The following PTPRK variants were observed in gnomAD, a reference collection of about 807,000 sequenced individuals.
The protein encoded by PTPRK is receptor-type tyrosine-protein phosphatase kappa.
PTPRK carries 75 observed loss-of-function variants against 178.0 expected under a neutral mutation model. That is an observed-to-expected ratio of 0.42 (90% CI 0.35 to 0.51). PTPRK has a LOEUF of 0.51. Ranked by LOEUF, PTPRK falls within the 20% of genes least tolerant of loss-of-function variation. The pLI is 0.02. For missense variants in PTPRK, 1,441 were observed against 1,797.8 expected (o/e 0.80, Z 3.59); for synonymous variants, 637 against 620.6 (o/e 1.03, Z -0.39).
intron 3 of PTPRK, among the ~76,000 whole-genome samples, chr6:128,311,238 A>G (rs1332781378): frequency 1.3e-5 from 2 of 152,148 alleles, no homozygotes; most frequent in East Asian, 3.9e-4. Context: ...GCAACTTCAT[A>G]GGTCTAGTTC....
At chr6:128,211,075 T>C (rs1400277566) in intron 6 of PTPRK, among the ~76,000 whole-genome samples, 1 of 152,130 alleles carries the variant, frequency 6.6e-6, no homozygotes, top group East Asian at 1.9e-4. Flanking sequence ...TAAAAGTCAC[T>C]GTATTTATAT....
chr6:128,350,928 G>A (rs1344081420), intron 2 of PTPRK, among the ~76,000 whole-genome samples: 1 of 152,050 alleles, frequency 6.6e-6, no homozygotes, highest in Non-Finnish European at 1.5e-5. Context: ...CAAAAAAAAA[G>A]AGTGACAAGT....
chr6:128,063,586 A>C (rs946012850), intron 13 of PTPRK: 10 of 152,288 alleles, frequency 6.6e-5, no homozygotes, highest in African/African-American at 2.4e-4. Flanking sequence ...TAAAAATTTC[A>C]ACTCTCGTTC....
At chr6:128,092,262 T>C (rs150695346) in intron 7 of PTPRK, among the ~76,000 whole-genome samples, 4 of 152,294 alleles carry the variant, frequency 2.6e-5, no homozygotes, top group Non-Finnish European at 5.9e-5. Context: ...TTTGAATGTA[T>C]GCTTTAAAGG....
intron 3 of PTPRK, among the ~76,000 whole-genome samples, chr6:128,315,797 A>T (rs1279854173): frequency 6.6e-6 from 1 of 152,188 alleles, no homozygotes; most frequent in East Asian, 1.9e-4. Flanking sequence ...CCACAGCACA[A>T]AAGTTAAATT....
chr6:128,199,678 G>A lies in PTPRK; in HGVS notation c.869-14953C>T, dbSNP rs1045618866. 1.2e-4 allele frequency among the ~76,000 whole-genome samples: 19 copies of A among 152,150 alleles called. No individual in the cohort carries two copies. In the East Asian group the frequency reaches 2.1e-3, roughly 17 times the overall value. On this transcript the variant is annotated intron_variant, in intron 6 of 29. Transcript: ENST00000368226. ...CCAACTCCCACAAGGGCCAACCCCC[G>A]CAAGGGCCACTAAGTAGAAGTGGAA...
chr6:128,092,181 G>C (rs1465849584), intron 7 of PTPRK, among the ~76,000 whole-genome samples: 1 of 152,112 alleles, frequency 6.6e-6, no homozygotes, highest in Non-Finnish European at 1.5e-5. Context: ...ACAAAGAGTT[G>C]TGGAAAGAAA....
At chr6:128,221,626 T>C (rs1021856849) in intron 5 of PTPRK, among the ~76,000 whole-genome samples, 1 of 152,068 alleles carries the variant, frequency 6.6e-6, no homozygotes, top group Non-Finnish European at 1.5e-5. Flanking sequence ...ATATGCATAT[T>C]ATGTAGTAAA....
At chr6:128,208,278 A>G (rs1208866610) in intron 6 of PTPRK, among the ~76,000 whole-genome samples, 2 of 150,422 alleles carry the variant, frequency 1.3e-5, no homozygotes, top group Admixed American at 6.6e-5. Context: ...AAATGCTGTT[A>G]GCCAAAAGTC....
intron 3 of PTPRK, among the ~76,000 whole-genome samples, chr6:128,285,378 G>A (rs1452559084): frequency 6.6e-6 from 1 of 151,978 alleles, no homozygotes; most frequent in East Asian, 1.9e-4. Context: ...AGCCAGGCAC[G>A]GTCACGGGTG....
intron 1 of PTPRK, among the ~76,000 whole-genome samples, chr6:128,481,543 G>A (rs754840715): frequency 7.9e-5 from 12 of 152,024 alleles, no homozygotes; most frequent in Non-Finnish European, 1.6e-4. Context: ...GTTTCCCCAT[G>A]TGATACTGTA....
intron 8 of PTPRK, among the ~76,000 whole-genome samples, chr6:128,087,809 T>C (rs971620999): frequency 2.6e-5 from 4 of 152,182 alleles, no homozygotes; most frequent in African/African-American, 9.7e-5. Context: ...ACTATATTGC[T>C]TCCTTCAAAT....
chr6:128,334,722 C>T (rs982372175), intron 2 of PTPRK, among the ~76,000 whole-genome samples: 1 of 152,156 alleles, frequency 6.6e-6, no homozygotes. Context: ...CAATAAAAGA[C>T]ACTTCATGAA....
intron 2 of PTPRK, among the ~76,000 whole-genome samples, chr6:128,393,083 T>C (rs1296809765): frequency 6.8e-6 from 1 of 147,474 alleles, no homozygotes; most frequent in Non-Finnish European, 1.5e-5. Flanking sequence ...TCTATGTTCA[T>C]AAGGACTTTT....
In PTPRK at chr6:128,089,684, GCATAC is replaced by G; in HGVS notation, c.1465+1_1465+5del. ...CCCCCTTTTAAACAGCAAAGTATGA[GCATAC>G]CATCTTCATCAGTTTGAATAATTGT... On this transcript the variant is annotated splice_donor_variant and splice_donor_5th_base_variant and intron_variant, in intron 8 of 29. Coordinates refer to ENST00000368226, the MANE Select transcript of PTPRK (RefSeq NM_002844.4). LOFTEE classifies it high-confidence loss of function. The G allele has an allele frequency of 6.2e-7, 1 of 1,600,464 alleles. No individual in the cohort carries two copies. Among genetic ancestry groups the G allele is most frequent in the Non-Finnish European group, 8.6e-7 (1 of 1,167,748 alleles).
chr6:128,182,107 G>T (rs1802009517), intron 7 of PTPRK, among the ~76,000 whole-genome samples: 2 of 152,082 alleles, frequency 1.3e-5, no homozygotes. Flanking sequence ...TTCACTACAT[G>T]TGAAAGATAG....
At chr6:128,119,308 C>G (rs1374802838) in intron 7 of PTPRK, among the ~76,000 whole-genome samples, 1 of 151,128 alleles carries the variant, frequency 6.6e-6, no homozygotes, top group African/African-American at 2.4e-5. Flanking sequence ...ATTCCTGTTT[C>G]TTTACATTAA....
intron 13 of PTPRK, among the ~76,000 whole-genome samples, chr6:128,033,782 G>T (rs541518231): frequency 1.1e-3 from 160 of 152,156 alleles, no homozygotes; most frequent in African/African-American, 3.8e-3. Flanking sequence ...GAGACTGAGG[G>T]GGGAGTATTT....
At chr6:128,360,049 C>T (rs934311183) in intron 2 of PTPRK, among the ~76,000 whole-genome samples, 55 of 152,214 alleles carry the variant, frequency 3.6e-4, no homozygotes, top group African/African-American at 1.2e-3. Flanking sequence ...AACTAGTTAT[C>T]TTTATAGGCA....
Sources: gnomAD v4.1 joint callset for allele counts (sites outside exome capture counted in the v4.1 genomes callset) on GRCh38, gnomAD v4.1.1 for gene constraint, MANE v1.5 for transcripts, NCBI Gene and HGNC (gene_info 2026-07-23, HGNC 2026-07-21) for gene names.